SHANK2: variants seen among roughly 807,000 people sequenced by gnomAD.
SHANK2 encodes SH3 and multiple ankyrin repeat domains protein 2.
In SHANK2, 43 loss-of-function variants were observed where a neutral mutation model predicts 133.7. The ratio of observed to expected loss-of-function variants is 0.32; its 90% CI spans 0.25 to 0.41. The LOEUF is 0.41. SHANK2 is among the 10% of genes least tolerant of loss of function. The pLI is 1.00. For synonymous variants in SHANK2, 1,017 were observed against 952.8 expected, an observed-to-expected ratio of 1.07 and a Z score of -1.24; for missense variants, 1,994 against 2,235.8, an observed-to-expected ratio of 0.89 and a Z score of 2.18.
At chr11:70,870,926 C>T (rs531035788) in intron 11 of SHANK2, among the ~76,000 whole-genome samples, 6 of 152,262 alleles carry the variant, frequency 3.9e-5, no homozygotes, top group Non-Finnish European at 8.8e-5. Flanking sequence ...TACAGGCACC[C>T]GCCACCACGC....
intron 25 of SHANK2, among the ~76,000 whole-genome samples, chr11:70,481,384 G>T (rs1555151539): frequency 6.6e-6 from 1 of 152,192 alleles, no homozygotes; most frequent in African/African-American, 2.4e-5. Context: ...GGAAAACAAG[G>T]ATCTAGTTGT....
chr11:71,143,100 C>T (rs555933459), intron 3 of SHANK2, among the ~76,000 whole-genome samples: 8 of 152,116 alleles, frequency 5.3e-5, no homozygotes, highest in African/African-American at 1.4e-4. Flanking sequence ...CCGGGCATGG[C>T]GGCAGGCGCC....
At chr11:71,194,957 A>G (rs782591896) in intron 2 of SHANK2, among the ~76,000 whole-genome samples, 1 of 152,242 alleles carries the variant, frequency 6.6e-6, no homozygotes, top group Non-Finnish European at 1.5e-5. Context: ...TTCGTGGGTT[A>G]ATGGTTTACA....
At position 70,538,404 on chromosome 11, in the gene SHANK2, G is replaced by C. The variant is rs2059571781; in HGVS notation, c.2062-35473C>G. ...GTGGACACTGCTTGCCAGGCCTCTT[G>C]TGGACTGCACGCTAGGCCTCTGTGC... On this transcript the variant is annotated intron_variant, in intron 17 of 25. Transcript: ENST00000601538. 4.6e-5 allele frequency among the ~76,000 whole-genome samples: 7 copies of C among 152,370 alleles called. No individual in the cohort carries two copies. The South Asian group carries it at 1.2e-3, about 27-fold the overall frequency.
At chr11:71,167,454 G>A (rs7935634) in intron 2 of SHANK2, among the ~76,000 whole-genome samples, 7,281 of 137,194 alleles carry the variant, frequency 0.053, 210 homozygotes, top group African/African-American at 0.15. Flanking sequence ...GCGGCTGGCC[G>A]GGCAGAGGGG....
intron 10 of SHANK2, chr11:70,950,149 C>A (rs933514481): frequency 4.4e-6 from 2 of 455,910 alleles, no homozygotes; most frequent in Non-Finnish European, 8.8e-6. Context: ...ACCTCTGTCT[C>A]CCGGGTTCAA....
chr11:71,178,855 C>T (rs567869767), intron 2 of SHANK2, among the ~76,000 whole-genome samples: 7 of 152,002 alleles, frequency 4.6e-5, no homozygotes, highest in Non-Finnish European at 7.4e-5. Context: ...TGGTGGTGCA[C>T]GCCTGTAATC....
intron 4 of SHANK2, among the ~76,000 whole-genome samples, chr11:71,118,388 TG>T (rs1205934343): frequency 1.3e-5 from 2 of 152,144 alleles, no homozygotes; most frequent in Non-Finnish European, 2.9e-5. Flanking sequence ...TCCATATGGC[TG>T]CGGAGGCCTC....
At chr11:71,191,626 C>T (rs1953795668) in intron 2 of SHANK2, among the ~76,000 whole-genome samples, 1 of 152,136 alleles carries the variant, frequency 6.6e-6, no homozygotes, top group Non-Finnish European at 1.5e-5. Context: ...ATGGCGTGAT[C>T]TCAGCTCACT....
At chr11:70,565,349 A>G (rs1308389970) in intron 17 of SHANK2, among the ~76,000 whole-genome samples, 2 of 152,150 alleles carry the variant, frequency 1.3e-5, no homozygotes, top group African/African-American at 2.4e-5. Context: ...GGTTCAAGCA[A>G]TTCTTCCTGC....
chr11:70,622,147 G>A (rs1318135013), intron 17 of SHANK2, among the ~76,000 whole-genome samples: 10 of 152,118 alleles, frequency 6.6e-5, no homozygotes, highest in Non-Finnish European at 1.5e-4. Context: ...ACCACTCCTC[G>A]GCTCCTTCTA....
At chr11:70,718,209 G>C (rs551817839) in intron 14 of SHANK2, among the ~76,000 whole-genome samples, 2 of 152,338 alleles carry the variant, frequency 1.3e-5, no homozygotes, top group African/African-American at 4.8e-5. Context: ...CTTAGAGGCG[G>C]CAGCTGTCCT....
At chr11:71,214,530 G>A (rs559848969) in intron 2 of SHANK2, among the ~76,000 whole-genome samples, 4 of 152,194 alleles carry the variant, frequency 2.6e-5, no homozygotes, top group Non-Finnish European at 5.9e-5. Context: ...CTAACCACAC[G>A]TTTCCGAAGA....
intron 17 of SHANK2, among the ~76,000 whole-genome samples, chr11:70,513,054 T>C (rs1554969515): frequency 6.6e-6 from 1 of 152,174 alleles, no homozygotes; most frequent in Non-Finnish European, 1.5e-5. Flanking sequence ...AAATAAATTC[T>C]CTGAAGGTTC....
At chr11:70,701,166 G>A (rs1351158011) in intron 14 of SHANK2, among the ~76,000 whole-genome samples, 2 of 150,760 alleles carry the variant, frequency 1.3e-5, no homozygotes, top group Non-Finnish European at 2.9e-5. Flanking sequence ...GTGTGTGTAC[G>A]CGTGTGTGTG....
intron 10 of SHANK2, among the ~76,000 whole-genome samples, chr11:70,946,530 C>G (rs1424989045): frequency 6.8e-6 from 1 of 146,910 alleles, no homozygotes; most frequent in African/African-American, 2.5e-5. Flanking sequence ...CACCATCCCT[C>G]TCCACTAACC....
At chr11:70,702,311 A>AATCACCATCATCACC (rs1555023909) in intron 14 of SHANK2, among the ~76,000 whole-genome samples, 3 of 117,290 alleles carry the variant, frequency 2.6e-5, no homozygotes, top group African/African-American at 6.7e-5. Flanking sequence ...CCATCATCAC[A>AATCACCATCATCACC]ATCACCATCA....
intron 15 of SHANK2, chr11:70,661,895 G>A (rs545967906): frequency 3.8e-6 from 5 of 1,309,452 alleles, no homozygotes; most frequent in Non-Finnish European, 5.4e-6. Context: ...AATGAGACTT[G>A]CAGGGTGGGG....
intron 8 of SHANK2, among the ~76,000 whole-genome samples, chr11:71,080,367 A>G (rs1951281925): frequency 6.6e-6 from 1 of 152,210 alleles, no homozygotes. Flanking sequence ...CTTGGTGTGA[A>G]TTAGAAAAAA....
Sources: gnomAD v4.1 joint callset for allele counts (sites outside exome capture counted in the v4.1 genomes callset) on GRCh38, gnomAD v4.1.1 for gene constraint, MANE v1.5 for transcripts, NCBI Gene and HGNC (gene_info 2026-07-23, HGNC 2026-07-21) for gene names.